The following LRP2 variants were observed in gnomAD, a reference collection of about 807,000 sequenced individuals.
LRP2 encodes low-density lipoprotein receptor-related protein 2.
LRP2 carries 172 observed loss-of-function variants against 531.0 expected under a neutral mutation model. The observed-to-expected ratio is 0.32, with a 90% CI of 0.29 to 0.37. LRP2 has a LOEUF of 0.37. Ranked by LOEUF, LRP2 falls within the 10% of genes least tolerant of loss-of-function variation. The pLI is 1.00. For synonymous variants in LRP2, 1,992 were observed against 2,027.6 expected, an observed-to-expected ratio of 0.98 and a Z score of 0.47; for missense variants, 5,167 against 5,868.3, an observed-to-expected ratio of 0.88 and a Z score of 3.90.
In LRP2 at chr2:169,137,455, T is replaced by C. The variant is rs767204697; in HGVS notation, c.13557A>G (p.Ile4519Met). Residue 4519 changes from isoleucine to methionine, a missense_variant, in exon 76 of 79, where the codon ATA becomes ATG. Transcript: ENST00000649046. Reference sequence around the variant, plus strand: ...CTGAGTACATTGGGTTTTCAAATATTATGGGCTGCTTCCCCATTTCCATGA... The same window carrying C: ...CTGAGTACATTGGGTTTTCAAATATCATGGGCTGCTTCCCCATTTCCATGA... ...DFVMEMGKQP[I>M]IFENPMYSAR... The C allele has an allele frequency of 6.8e-6, 11 of 1,613,874 alleles. No homozygotes were observed. The South Asian group carries it at 1.2e-4, about 18-fold the overall frequency.
chr2:169,263,708 A>G (rs1003181717), intron 16 of LRP2, among the ~76,000 whole-genome samples: 3 of 152,066 alleles, frequency 2.0e-5, no homozygotes, highest in Admixed American at 2.0e-4. Context: ...GGGATCTAGA[A>G]CTAGACATAC....
In LRP2 at chr2:169,146,745, T is replaced by G; in HGVS notation, c.12805A>C (p.Lys4269Gln). Residue 4269 changes from lysine to glutamine, a missense_variant, in exon 69 of 79, where the codon AAG becomes CAG. Around this residue, in one of 6 missense-constraint regions of LRP2, gnomAD observed 564 missense variants for 747.7 expected, o/e 0.75. Coordinates refer to ENST00000649046, the MANE Select transcript of LRP2 (RefSeq NM_004525.3). ...YDGTDRRVIA[K>Q]EAMNPYSLDI... ...TTTCTAACTAATTTCTAACCTTCCT[T>G]TGCAATGACTCTCCTATCAGTCCCA... 1 of 1,610,990 alleles carries G rather than the reference T, an allele frequency of 6.2e-7. No homozygotes were observed. The highest frequency in any genetic ancestry group is 8.5e-7 in the Non-Finnish European group (1 of 1,177,132).
intron 16 of LRP2, among the ~76,000 whole-genome samples, chr2:169,264,244 T>TAATA (rs954283286): frequency 2.6e-5 from 4 of 151,648 alleles, no homozygotes; most frequent in East Asian, 1.9e-4. Flanking sequence ...TAAAGTATAA[T>TAATA]AATAAATAAA....
intron 39 of LRP2, 58 bp from the exon 40 acceptor site, chr2:169,206,246 A>G: frequency 6.2e-7 from 1 of 1,612,326 alleles, no homozygotes; most frequent in Non-Finnish European, 8.5e-7. Context: ...AGAGTCTCAT[A>G]TGCATTAGAA....
At chr2:169,214,580 G>A (rs575222438) in intron 35 of LRP2, among the ~76,000 whole-genome samples, 9 of 152,180 alleles carry the variant, frequency 5.9e-5, no homozygotes, top group Non-Finnish European at 7.3e-5. Flanking sequence ...TGAAAAGGGA[G>A]CCCAGCAGTT....
intron 63 of LRP2, among the ~76,000 whole-genome samples, chr2:169,158,837 C>T (rs1263656640): frequency 1.5e-5 from 2 of 137,904 alleles, no homozygotes; most frequent in African/African-American, 2.7e-5. Flanking sequence ...TGTTATTGAA[C>T]TTTCACAGTA....
chr2:169,174,385 G>C (rs1243700674), intron 55 of LRP2, among the ~76,000 whole-genome samples: 1 of 152,198 alleles, frequency 6.6e-6, no homozygotes, highest in East Asian at 1.9e-4. Context: ...AGACTTAAGA[G>C]ATAAGAACTG....
chr2:169,148,981 C>T (rs1123905), intron 68 of LRP2, among the ~76,000 whole-genome samples: 69,666 of 151,636 alleles, frequency 0.46, 16,600 homozygotes, highest in Admixed American at 0.59. Context: ...GTGCTACTTT[C>T]TCCATAGAGC....
At chr2:169,183,717 A>C (rs1213680223) in intron 50 of LRP2, among the ~76,000 whole-genome samples, 4 of 152,228 alleles carry the variant, frequency 2.6e-5, no homozygotes, top group African/African-American at 9.6e-5. Context: ...CACTACTGGA[A>C]AAATTAAGAT....
chr2:169,351,788 G>A lies in LRP2; in HGVS notation c.79+10533C>T, dbSNP rs528291096. On this transcript the variant is annotated intron_variant, in intron 1 of 78. Coordinates refer to ENST00000649046, the MANE Select transcript of LRP2 (RefSeq NM_004525.3). The stretch of plus-strand genomic sequence containing the variant: ...TTCTCCTGCCATGTTTAGCTACAGA[G>A]TTGCAGATGTGGAGAACTGGATTTA... Among the ~76,000 whole-genome samples, 7 of 152,338 alleles carry A rather than the reference G, an allele frequency of 4.6e-5. No individual in the cohort carries two copies. In the South Asian group the frequency reaches 1.4e-3, roughly 32 times the overall value.
chr2:169,348,838 T>A (rs1330737075), intron 1 of LRP2, among the ~76,000 whole-genome samples: 1 of 150,718 alleles, frequency 6.6e-6, no homozygotes. Context: ...AAGGGGGGAG[T>A]CAGATCGAGA....
intron 4 of LRP2, among the ~76,000 whole-genome samples, chr2:169,305,636 G>A (rs1235135246): frequency 6.6e-6 from 1 of 152,096 alleles, no homozygotes; most frequent in Non-Finnish European, 1.5e-5. Context: ...ACAAAAATCT[G>A]CTCACCAATT....
In LRP2 at chr2:169,140,437, C is replaced by T. The variant is rs1253802080; in HGVS notation, c.13199+18G>A. The T allele has an allele frequency of 1.0e-5, 16 of 1,607,254 alleles. No individual in the cohort carries two copies. Among genetic ancestry groups the T allele is most frequent in the Non-Finnish European group, 1.4e-5 (16 of 1,173,752 alleles). On this transcript the variant is annotated intron_variant, in intron 72 of 78. Transcript: ENST00000649046. ...AAGAGGCAAGGCCTATAGCTGGGAC[C>T]TCAACATTCAGACTTACTTGCATTT...
rs1295958706 is a variant in LRP2, at chr2:169,133,601, G to A, written c.13621-920C>T. Among the ~76,000 whole-genome samples, 8 of 151,936 alleles carry A rather than the reference G, an allele frequency of 5.3e-5. No homozygotes were observed. In the East Asian group the frequency reaches 1.5e-3, roughly 29 times the overall value. ...ATCTCGAGTTCAAAAGGAGCATTAG[G>A]TGTTAACAATGACAGTTATTCATTG... On this transcript the variant is annotated intron_variant, in intron 76 of 78. Transcript: ENST00000649046.
At chr2:169,298,140 C>T (rs1684180383) in intron 4 of LRP2, among the ~76,000 whole-genome samples, 1 of 151,948 alleles carries the variant, frequency 6.6e-6, no homozygotes, top group Non-Finnish European at 1.5e-5. Flanking sequence ...AAAGAATCTA[C>T]CAGTTTGGCC....
intron 16 of LRP2, among the ~76,000 whole-genome samples, chr2:169,262,006 T>C (rs1280527520): frequency 3.3e-5 from 5 of 151,628 alleles, no homozygotes; most frequent in Non-Finnish European, 7.4e-5. Context: ...CATGATTATC[T>C]CAATAGATGC....
chr2:169,310,174 G>A (rs1319684526), intron 3 of LRP2, among the ~76,000 whole-genome samples: 2 of 152,156 alleles, frequency 1.3e-5, no homozygotes, highest in African/African-American at 4.8e-5. Context: ...TGCAAACGGG[G>A]ACAATTTGAC....
chr2:169,255,291 C>G lies in LRP2; in HGVS notation c.2770+815G>C, dbSNP rs536931923. On this transcript the variant is annotated intron_variant, in intron 19 of 78. Transcript: ENST00000649046. ...CTGGCATTTTTATGCAGTGCACAAG[C>G]TATACAACCATTCACAGAGCTCCTG... Among the ~76,000 whole-genome samples, 5 of 152,274 alleles carry G rather than the reference C, an allele frequency of 3.3e-5. No homozygotes were observed. The South Asian group carries it at 1.0e-3, about 32-fold the overall frequency.
intron 33 of LRP2, among the ~76,000 whole-genome samples, chr2:169,221,341 C>A (rs899027567): frequency 1.6e-4 from 24 of 151,996 alleles, no homozygotes. Flanking sequence ...TGAGGTAGAT[C>A]CCATTATTTT....
Sources: gnomAD v4.1 joint callset for allele counts (sites outside exome capture counted in the v4.1 genomes callset) on GRCh38, gnomAD v4.1.1 for gene constraint, gnomAD v4.1.1 regional missense constraint, MANE v1.5 for transcripts, NCBI Gene and HGNC (gene_info 2026-07-23, HGNC 2026-07-21) for gene names.